MACROD2: variants seen among roughly 807,000 people sequenced by gnomAD.
The protein encoded by MACROD2 is ADP-ribose glycohydrolase MACROD2.
MACROD2 carries 36 observed loss-of-function variants against 70.4 expected under a neutral mutation model. The ratio of observed to expected loss-of-function variants is 0.51; its 90% CI spans 0.39 to 0.68. The LOEUF is 0.68. Ranked by LOEUF, MACROD2 falls within the 30% of genes least tolerant of loss-of-function variation. The pLI is 0.00. For synonymous variants in MACROD2, 172 were observed against 178.8 expected, an observed-to-expected ratio of 0.96 and a Z score of 0.30; for missense variants, 496 against 538.4, an observed-to-expected ratio of 0.92 and a Z score of 0.78.
chr20:14,570,406 G>C (rs1980111269), intron 4 of MACROD2, among the ~76,000 whole-genome samples: 1 of 151,944 alleles, frequency 6.6e-6, no homozygotes, highest in South Asian at 2.1e-4. Flanking sequence ...TCTGTTTCTT[G>C]ATCTAGGTGT....
chr20:14,687,691 C>A (rs1188387543), intron 5 of MACROD2, among the ~76,000 whole-genome samples: 1 of 152,128 alleles, frequency 6.6e-6, no homozygotes, highest in Non-Finnish European at 1.5e-5. Context: ...CTGCATGCAG[C>A]CCACAGGGCA....
intron 5 of MACROD2, among the ~76,000 whole-genome samples, chr20:15,192,018 C>G (rs753704796): frequency 6.7e-3 from 92 of 13,822 alleles, no homozygotes; most frequent in African/African-American, 0.016. Context: ...AACTATGTAT[C>G]TATCTATCTA....
At chr20:14,062,282 T>G (rs1324697828) in intron 2 of MACROD2, among the ~76,000 whole-genome samples, 3 of 152,204 alleles carry the variant, frequency 2.0e-5, no homozygotes, top group African/African-American at 7.2e-5. Flanking sequence ...GTTTACCATG[T>G]GTCAGTCATT....
chr20:15,597,030 G>T (rs1310036816), intron 8 of MACROD2, among the ~76,000 whole-genome samples: 2 of 152,184 alleles, frequency 1.3e-5, no homozygotes, highest in Non-Finnish European at 2.9e-5. Context: ...ATCCCTTAAA[G>T]AACTCAAACC....
At chr20:15,368,115 A>G (rs1436381727) in intron 6 of MACROD2, among the ~76,000 whole-genome samples, 4 of 152,190 alleles carry the variant, frequency 2.6e-5, no homozygotes, top group Non-Finnish European at 5.9e-5. Context: ...AAAAGATCCA[A>G]TGGAACTATA....
chr20:14,069,215 G>A (rs1043754678), intron 2 of MACROD2, among the ~76,000 whole-genome samples: 1 of 152,306 alleles, frequency 6.6e-6, no homozygotes, highest in Admixed American at 6.5e-5. Flanking sequence ...CCAAAGTGCT[G>A]GGATTACTGG....
chr20:14,571,934 C>T (rs1032541077), intron 4 of MACROD2, among the ~76,000 whole-genome samples: 2 of 151,820 alleles, frequency 1.3e-5, no homozygotes, highest in African/African-American at 4.8e-5. Flanking sequence ...CAAGACTGCC[C>T]AGATATACAG....
intron 5 of MACROD2, among the ~76,000 whole-genome samples, chr20:15,051,473 A>G (rs2075440658): frequency 6.6e-6 from 1 of 151,956 alleles, no homozygotes. Context: ...CAGGCAGGAC[A>G]GCGGGAAACA....
At chr20:15,189,777 A>G (rs944850283) in intron 5 of MACROD2, among the ~76,000 whole-genome samples, 1 of 152,214 alleles carries the variant, frequency 6.6e-6, no homozygotes, top group African/African-American at 2.4e-5. Flanking sequence ...TCATGTAGGT[A>G]TAATAAATGA....
chr20:15,252,086 C>T (rs1253896830), intron 6 of MACROD2, among the ~76,000 whole-genome samples: 1 of 152,152 alleles, frequency 6.6e-6, no homozygotes, highest in East Asian at 1.9e-4. Context: ...TTTTAGGCAG[C>T]ATGTGAACAA....
At chr20:15,020,912 G>A (rs957324585) in intron 5 of MACROD2, among the ~76,000 whole-genome samples, 1 of 150,420 alleles carries the variant, frequency 6.6e-6, no homozygotes, top group African/African-American at 2.4e-5. Context: ...GAAAACTATA[G>A]GAGACTATAT....
At chr20:14,505,440 C>G (rs1236294301) in intron 4 of MACROD2, among the ~76,000 whole-genome samples, 1 of 152,100 alleles carries the variant, frequency 6.6e-6, no homozygotes, top group Non-Finnish European at 1.5e-5. Context: ...TACCCAAACG[C>G]CAATGGTTAA....
intron 8 of MACROD2, among the ~76,000 whole-genome samples, chr20:15,637,786 T>C (rs1040681456): frequency 6.6e-6 from 1 of 152,196 alleles, no homozygotes; most frequent in African/African-American, 2.4e-5. Flanking sequence ...GATTGTCACA[T>C]ACAGATGAGT....
intron 12 of MACROD2, among the ~76,000 whole-genome samples, chr20:15,961,522 A>C (rs1276029553): frequency 6.6e-6 from 1 of 152,178 alleles, no homozygotes; most frequent in Non-Finnish European, 1.5e-5. Context: ...TGCATTTATG[A>C]ATCTGGAGAG....
chr20:14,367,487 G>T (rs2083283026), intron 3 of MACROD2, among the ~76,000 whole-genome samples: 1 of 152,124 alleles, frequency 6.6e-6, no homozygotes, highest in Non-Finnish European at 1.5e-5. Flanking sequence ...TTTGCTTTTT[G>T]TGTTGGTTTT....
chr20:14,720,240 G>A (rs1379911918), intron 5 of MACROD2, among the ~76,000 whole-genome samples: 1 of 152,120 alleles, frequency 6.6e-6, no homozygotes, highest in Non-Finnish European at 1.5e-5. Context: ...ATAAAGTACA[G>A]CGTTCTAATC....
intron 5 of MACROD2, among the ~76,000 whole-genome samples, chr20:15,100,796 A>G (rs2075866469): frequency 6.6e-6 from 1 of 152,200 alleles, no homozygotes; most frequent in Non-Finnish European, 1.5e-5. Context: ...TGTGAATTCC[A>G]GAATTATTGC....
At chr20:14,452,809 A>C (rs952620289) in intron 3 of MACROD2, among the ~76,000 whole-genome samples, 2 of 152,154 alleles carry the variant, frequency 1.3e-5, no homozygotes, top group Admixed American at 1.3e-4. Flanking sequence ...CTGAAAGTAA[A>C]GAGTACTTTG....
intron 5 of MACROD2, among the ~76,000 whole-genome samples, chr20:15,079,566 A>T (rs917363649): frequency 6.6e-6 from 1 of 152,016 alleles, no homozygotes; most frequent in Non-Finnish European, 1.5e-5. Context: ...AGCCTACTAT[A>T]TTCCACCATT....
Sources: gnomAD v4.1 joint callset for allele counts (sites outside exome capture counted in the v4.1 genomes callset) on GRCh38, gnomAD v4.1.1 for gene constraint, MANE v1.5 for transcripts, NCBI Gene and HGNC (gene_info 2026-07-23, HGNC 2026-07-21) for gene names.